USP42: variants seen among roughly 807,000 people sequenced by gnomAD.
USP42 encodes ubiquitin carboxyl-terminal hydrolase 42.
USP42 carries 23 observed loss-of-function variants against 113.0 expected under a neutral mutation model. The ratio of observed to expected loss-of-function variants is 0.20; its 90% CI spans 0.15 to 0.29. The LOEUF (loss-of-function observed/expected upper bound fraction) is 0.29. Ranked by LOEUF, USP42 falls within the 10% of genes least tolerant of loss-of-function variation. USP42 has a pLI of 1.00. For missense variants in USP42, 2,174 were observed against 1,779.8 expected (o/e 1.22, Z -3.99); for synonymous variants, 933 against 699.0 (o/e 1.33, Z -5.28).
upstream of USP42, among the ~76,000 whole-genome samples, chr7:6,102,427 G>C (rs1790154986): frequency 6.7e-6 from 1 of 149,346 alleles, no homozygotes. Context: ...TAAGATTTAA[G>C]GGGCAGCCTG....
intron 3 of USP42, among the ~76,000 whole-genome samples, chr7:6,119,656 C>T (rs946724514): frequency 1.3e-5 from 2 of 152,154 alleles, no homozygotes; most frequent in African/African-American, 4.8e-5. Context: ...TTCTGACTCA[C>T]AAGCAAGGTA....
intron 12 of USP42, among the ~76,000 whole-genome samples, 157 bp from the exon 13 acceptor site, chr7:6,149,426 G>C (rs1042688549): frequency 6.6e-6 from 1 of 151,706 alleles, no homozygotes; most frequent in African/African-American, 2.4e-5. Context: ...CGGGTAGGAG[G>C]GATTGAGAAA....
Position 6,154,594 on chromosome 7 carries a change from C to A in USP42, c.3040C>A (p.Leu1014Met). ...GCTCAGCCCTGGCGAGCGCCGCTCT[C>A]TGGGCAGGTGCAGTCACCACCACTC... ...DRLSPGERRS[L>M]GRCSHHHSRH... Residue 1014 changes from leucine (L) to methionine (M), a missense_variant, in exon 15 of 18, where the codon CTG becomes ATG. By Grantham distance (15) the Leu-to-Met change is conservative (BLOSUM62 2). Coordinates refer to ENST00000306177, the MANE Select transcript of USP42 (RefSeq NM_032172.3). 1.3e-6 allele frequency: 2 copies of A among 1,579,106 alleles called. No homozygotes were observed. Among genetic ancestry groups the A allele is most frequent in the Non-Finnish European group, 1.7e-6 (2 of 1,164,862 alleles).
chr7:6,081,716 C>G, the USP42 span: 1 of 152,236 alleles, frequency 6.6e-6, no homozygotes, highest in African/African-American at 2.4e-5. Flanking sequence ...AGGGTGATCG[C>G]GCTGCTGAAA....
Position 6,150,147 on chromosome 7 carries a change from C to G in USP42, c.1951C>G (p.Leu651Val). The G allele has an allele frequency of 6.2e-7, 1 of 1,613,770 alleles. No individual in the cohort carries two copies. Among genetic ancestry groups the G allele is most frequent in the Non-Finnish European group, 8.5e-7 (1 of 1,179,762 alleles). The change falls in exon 13 of 18, where the codon CTT (leucine) becomes GTT (valine). Residue 651 changes from leucine (L) to valine (V), a missense_variant. Leu to Val is a conservative substitution (Grantham distance 32). Transcript: ENST00000306177. ...AGATGAGGAGGCCACTCCGCACGAG[C>G]TTCAAGAACCCATGACCCTAAACGG... The part of the protein sequence containing the change: ...AEDEEATPHE[L>V]QEPMTLNGAN...
rs546255931 is a variant in USP42 at position 6,150,170 on chromosome 7, C to T, written c.1974C>T (p.Asn658=). ...AGCTTCAAGAACCCATGACCCTAAACGGTGCTAATAGTGCAGACAGCGACA... is the reference window on the plus strand; with the variant it reads ...AGCTTCAAGAACCCATGACCCTAAATGGTGCTAATAGTGCAGACAGCGACA... ...PHELQEPMTL[N]GANSADSDSD... Residue 658 remains asparagine, a synonymous_variant, in exon 13 of 18, where the codon AAC becomes AAT. Transcript: ENST00000306177. 9.3e-6 allele frequency: 15 copies of T among 1,613,794 alleles called. No homozygotes were observed. The highest frequency in any genetic ancestry group is 1.6e-4 in the Middle Eastern group (1 of 6,084).
At position 6,158,559 on chromosome 7, in the gene USP42, G is replaced by A. The variant is rs141162671; in HGVS notation, c.3944-891G>A. ...CGGTCCTTAGAGTGTGTGAGAGAGA[G>A]CTGGGGGTTGCGGGGTGAGCCCCAT... is the stretch of plus-strand genomic sequence containing the variant. On this transcript the variant is annotated intron_variant, in intron 16 of 17. Transcript: ENST00000306177. This position sits in a 1 kb window ranked among gnomAD's most constrained non-coding sequence, Gnocchi z 4.2. Among the ~76,000 whole-genome samples, 1,011 of 152,332 alleles carry A rather than the reference G, an allele frequency of 6.6e-3. 12 individuals are homozygous for A. The highest frequency in any genetic ancestry group is 0.023 in the African/African-American group (958 of 41,576).
chr7:6,159,288 G>A lies in USP42; in HGVS notation c.3944-162G>A, dbSNP rs2128529255. Among the ~76,000 whole-genome samples, 1 of 152,332 alleles carries A rather than the reference G, an allele frequency of 6.6e-6. No individual in the cohort carries two copies. Among genetic ancestry groups the A allele is most frequent in the Admixed American group, 6.5e-5 (1 of 15,300 alleles). ...CAGTAAAACCCTGGGAGCAGCCGCT[G>A]AGCGCTGGGACATCCCTGCTCACCT... On this transcript the variant is annotated intron_variant, in intron 16 of 17. Transcript: ENST00000306177. This position sits in a 1 kb window ranked among gnomAD's most constrained non-coding sequence, Gnocchi z 4.1.
At chr7:6,106,463 A>G (rs977996994) in intron 1 of USP42, among the ~76,000 whole-genome samples, 4 of 152,252 alleles carry the variant, frequency 2.6e-5, no homozygotes, top group African/African-American at 7.2e-5. Context: ...GACATACCAT[A>G]TAAGAGACTG....
At chr7:6,117,438 T>G (rs1323142707) in intron 3 of USP42, among the ~76,000 whole-genome samples, 1 of 152,240 alleles carries the variant, frequency 6.6e-6, no homozygotes, top group Admixed American at 6.5e-5. Context: ...TGTTTCTCCA[T>G]TTGTCTATTG....
chr7:6,137,596 G>C (rs1781215966), intron 4 of USP42, among the ~76,000 whole-genome samples: 1 of 152,120 alleles, frequency 6.6e-6, no homozygotes, highest in Admixed American at 6.5e-5. Context: ...GACCTCAGGT[G>C]ATCCACCCGT....
At chr7:6,089,099 A>C in the USP42 span, among the ~76,000 whole-genome samples, 1 of 150,340 alleles carries the variant, frequency 6.7e-6, no homozygotes, top group East Asian at 1.9e-4. Flanking sequence ...GGCTGGAGTG[A>C]AGTGGTGCGA....
At position 6,154,479 on chromosome 7, in the gene USP42, CCACCGT is replaced by C; in HGVS notation, c.2931_2936del (p.His978_Arg979del). 6.4e-7 allele frequency: 1 copy of C among 1,552,668 alleles called. No homozygotes were observed. Among genetic ancestry groups the C allele is most frequent in the Non-Finnish European group, 8.7e-7 (1 of 1,149,142 alleles). ...GAGAGAGCAGGAGCAAGACTGAGGG[CCACCGT>C]CACCGGCGGCGCCGCACCTGCCCCC... is the stretch of plus-strand genomic sequence containing the variant. On this transcript the variant is annotated inframe_deletion, in exon 15 of 18. Transcript: ENST00000306177.
the USP42 span, among the ~76,000 whole-genome samples, chr7:6,089,967 C>G: frequency 6.6e-6 from 1 of 150,740 alleles, no homozygotes; most frequent in Non-Finnish European, 1.5e-5. Context: ...CCTCACTGCA[C>G]TCCAGCCTGG....
At chr7:6,121,897 A>C (rs1234523214) in intron 3 of USP42, among the ~76,000 whole-genome samples, 1 of 152,142 alleles carries the variant, frequency 6.6e-6, no homozygotes, top group African/African-American at 2.4e-5. Context: ...CTGGCTTCAA[A>C]TGATCCTCCC....
Position 6,154,975 on chromosome 7 carries a change from G to C in USP42, c.3421G>C (p.Ala1141Pro). Residue 1141 changes from alanine to proline, a missense_variant, in exon 15 of 18, where the codon GCC becomes CCC. By Grantham distance (27) the Ala-to-Pro change is conservative (BLOSUM62 -1). Transcript: ENST00000306177. ...RFSHDRTALVAGDNCNLSDRF... is the reference protein window; with the variant it reads ...RFSHDRTALVPGDNCNLSDRF... ...CTCCCACGACAGAACTGCACTTGTA[G>C]CCGGAGACAACTGTAACCTCTCTGA... The C allele has an allele frequency of 6.4e-7, 1 of 1,562,068 alleles. No homozygotes were observed. Among genetic ancestry groups the C allele is most frequent in the Non-Finnish European group, 8.7e-7 (1 of 1,152,732 alleles).
chr7:6,123,257 C>G (rs1254281394), intron 3 of USP42, among the ~76,000 whole-genome samples: 2 of 152,214 alleles, frequency 1.3e-5, no homozygotes, highest in Admixed American at 6.5e-5. Context: ...GGCATGATGG[C>G]TCATGCCTGT....
chr7:6,134,670 C>T (rs1398852289), intron 3 of USP42, among the ~76,000 whole-genome samples: 4 of 152,058 alleles, frequency 2.6e-5, no homozygotes, highest in South Asian at 2.1e-4. Flanking sequence ...ACTTAGCATG[C>T]GCTAAGAATG....
At chr7:6,136,664 T>C (rs939696200) in intron 4 of USP42, among the ~76,000 whole-genome samples, 3 of 152,190 alleles carry the variant, frequency 2.0e-5, no homozygotes, top group Non-Finnish European at 4.4e-5. Flanking sequence ...AATGAATACT[T>C]TACTATACGC....
Sources: gnomAD v4.1 joint callset for allele counts (sites outside exome capture counted in the v4.1 genomes callset) on GRCh38, gnomAD v4.1.1 for gene constraint, Gnocchi (gnomAD v3.1) non-coding constraint, MANE v1.5 for transcripts, NCBI Gene and HGNC (gene_info 2026-07-23, HGNC 2026-07-21) for gene names.